Variants in LRRC4C observed in about 807,000 individuals in gnomAD.
The protein encoded by LRRC4C is leucine-rich repeat-containing protein 4C.
A neutral mutation model predicts 33.6 loss-of-function variants in LRRC4C; 5 were observed. The ratio of observed to expected loss-of-function variants is 0.15; its 90% confidence interval spans 0.08 to 0.31. The LOEUF is 0.31. Among genes scored for constraint, LRRC4C ranks in the 10% least tolerant of loss-of-function variants. The probability of loss-of-function intolerance (pLI) is 1.00; values close to 1 mark genes in which losing one functional copy is unlikely to be tolerated. For synonymous variants in LRRC4C, 329 were observed against 302.0 expected, an observed-to-expected ratio of 1.09 and a Z score of -0.93; for missense variants, 560 against 796.7, an observed-to-expected ratio of 0.70 and a Z score of 3.58.
At chr11:40,804,559 G>A (rs1951168127) in intron 2 of LRRC4C, among the ~76,000 whole-genome samples, 1 of 152,144 alleles carries the variant, frequency 6.6e-6, no homozygotes, top group Admixed American at 6.6e-5. Context: ...TGGAAACAGA[G>A]GAAAATGCTC....
At chr11:41,332,746 C>T (rs755343959) in intron 1 of LRRC4C, among the ~76,000 whole-genome samples, 33 of 152,270 alleles carry the variant, frequency 2.2e-4, no homozygotes, top group Non-Finnish European at 3.8e-4. Flanking sequence ...GTTTGAACTT[C>T]GGTTCAGCAT....
chr11:40,857,282 G>T (rs1223655576), intron 2 of LRRC4C, among the ~76,000 whole-genome samples: 1 of 152,120 alleles, frequency 6.6e-6, no homozygotes, highest in East Asian at 1.9e-4. Context: ...GTGGTTTGCT[G>T]TACTCATCAA....
intron 1 of LRRC4C, among the ~76,000 whole-genome samples, chr11:41,257,137 C>A (rs1948827563): frequency 6.6e-6 from 1 of 151,922 alleles, no homozygotes; most frequent in African/African-American, 2.4e-5. Flanking sequence ...TAAAACAGTA[C>A]TATCACACAC....
chr11:41,240,764 C>A (rs748938039), intron 1 of LRRC4C, among the ~76,000 whole-genome samples: 1 of 152,052 alleles, frequency 6.6e-6, no homozygotes, highest in Admixed American at 6.5e-5. Context: ...GTAGGATATG[C>A]GTGGTGTGAT....
intron 3 of LRRC4C, among the ~76,000 whole-genome samples, chr11:40,578,462 A>G (rs1958317948): frequency 1.3e-5 from 2 of 152,070 alleles, no homozygotes; most frequent in Non-Finnish European, 2.9e-5. Flanking sequence ...AAGAGATAAT[A>G]CTACTGATAA....
At chr11:40,429,690 C>T (rs371305680) in intron 3 of LRRC4C, among the ~76,000 whole-genome samples, 1 of 152,016 alleles carries the variant, frequency 6.6e-6, no homozygotes, top group Non-Finnish European at 1.5e-5. Context: ...TTAAGAATCT[C>T]TTTGAAATAC....
chr11:40,765,053 A>C (rs1949386055), intron 2 of LRRC4C, among the ~76,000 whole-genome samples: 1 of 152,176 alleles, frequency 6.6e-6, no homozygotes, highest in Non-Finnish European at 1.5e-5. Context: ...ACCAGCAGCA[A>C]GACCATCCAG....
At chr11:41,441,356 G>T (rs537515010) in intron 1 of LRRC4C, among the ~76,000 whole-genome samples, 3 of 152,076 alleles carry the variant, frequency 2.0e-5, no homozygotes, top group Non-Finnish European at 4.4e-5. Flanking sequence ...AGCAGTCAGG[G>T]TGGCTGAGAT....
intron 1 of LRRC4C, among the ~76,000 whole-genome samples, chr11:41,429,258 T>C (rs1199893503): frequency 2.0e-5 from 3 of 152,146 alleles, no homozygotes; most frequent in Non-Finnish European, 2.9e-5. Context: ...TCCTGAGGCC[T>C]CCCTAGCCAT....
At chr11:41,449,437 G>A (rs1262148263) in intron 1 of LRRC4C, among the ~76,000 whole-genome samples, 1 of 152,082 alleles carries the variant, frequency 6.6e-6, no homozygotes, top group Non-Finnish European at 1.5e-5. Context: ...GGCTTCCACT[G>A]GGTAAGAAGG....
At chr11:41,454,393 A>G (rs1365535521) in intron 1 of LRRC4C, among the ~76,000 whole-genome samples, 4 of 152,156 alleles carry the variant, frequency 2.6e-5, no homozygotes, top group Admixed American at 6.6e-5. Flanking sequence ...TTCCCTGTCC[A>G]AATACAGGAA....
At chr11:40,804,690 C>T (rs1008146465) in intron 2 of LRRC4C, among the ~76,000 whole-genome samples, 6 of 152,136 alleles carry the variant, frequency 3.9e-5, no homozygotes, top group African/African-American at 1.4e-4. Flanking sequence ...TCTCAAGCCT[C>T]CCAAGTTATT....
intron 1 of LRRC4C, among the ~76,000 whole-genome samples, chr11:40,945,007 C>CAACTTTGCA (rs1228622748): frequency 1.4e-5 from 2 of 147,834 alleles, no homozygotes; most frequent in Non-Finnish European, 3.0e-5. Flanking sequence ...AAGTGGTGTT[C>CAACTTTGCA]AACTTTGCAG....
chr11:41,017,390 T>G (rs1309895902), intron 1 of LRRC4C, among the ~76,000 whole-genome samples: 3 of 152,198 alleles, frequency 2.0e-5, no homozygotes, highest in African/African-American at 7.2e-5. Context: ...AGCCTTTGAT[T>G]ATATCCAAGG....
intron 3 of LRRC4C, among the ~76,000 whole-genome samples, chr11:40,394,991 T>G (rs1250896481): frequency 6.6e-6 from 1 of 152,156 alleles, no homozygotes; most frequent in African/African-American, 2.4e-5. Context: ...TATTTTTTCC[T>G]GTCTATTCAT....
At chr11:40,283,693 C>CTTTTTT (rs5791366) in intron 4 of LRRC4C, among the ~76,000 whole-genome samples, 2 of 59,262 alleles carry the variant, frequency 3.4e-5, no homozygotes, top group Non-Finnish European at 5.6e-5. Context: ...GGTCCATATT[C>CTTTTTT]TTTTTTTTTT....
intron 2 of LRRC4C, among the ~76,000 whole-genome samples, chr11:40,653,885 GTTTTT>G (rs1942951252): frequency 6.6e-6 from 1 of 152,176 alleles, no homozygotes; most frequent in African/African-American, 2.4e-5. Context: ...GGACCTTGCT[GTTTTT>G]TGCAGCCCTG....
At chr11:40,183,332 A>AGGACTC (rs1483604973) in intron 5 of LRRC4C, among the ~76,000 whole-genome samples, 2 of 152,202 alleles carry the variant, frequency 1.3e-5, no homozygotes, top group Non-Finnish European at 2.9e-5. Flanking sequence ...ACTACCAATA[A>AGGACTC]TGAAATTACC....
intron 4 of LRRC4C, among the ~76,000 whole-genome samples, chr11:40,267,212 T>G (rs920432411): frequency 2.0e-5 from 3 of 152,212 alleles, no homozygotes; most frequent in Non-Finnish European, 4.4e-5. Flanking sequence ...ATGCATGATC[T>G]TGGCTCTGAA....
Sources: gnomAD v4.1 joint callset for allele counts (sites outside exome capture counted in the v4.1 genomes callset) on GRCh38, gnomAD v4.1.1 for gene constraint, MANE v1.5 for transcripts, NCBI Gene and HGNC (gene_info 2026-07-23, HGNC 2026-07-21) for gene names.